AMPD3: variants seen among roughly 807,000 people sequenced by gnomAD.
The protein encoded by AMPD3 is adenosine monophosphate deaminase 3.
AMPD3 carries 57 observed loss-of-function variants against 82.3 expected under a neutral mutation model. The ratio of observed to expected loss-of-function variants is 0.69; its 90% CI spans 0.56 to 0.86. AMPD3 has a LOEUF of 0.86. Ranked by LOEUF, AMPD3 falls within the 40% of genes least tolerant of loss-of-function variation. The probability of loss-of-function intolerance (pLI) is 0.00; values close to 1 mark genes in which losing one functional copy is unlikely to be tolerated. For missense variants in AMPD3, 870 were observed against 1,003.8 expected (o/e 0.87, Z 1.80); for synonymous variants, 381 against 394.7 (o/e 0.97, Z 0.41).
At chr11:10,496,317 T>G (rs1439156058) in intron 9 of AMPD3, 1 of 985,416 alleles carries the variant, frequency 1.0e-6, no homozygotes, top group Non-Finnish European at 1.2e-6. Context: ...TGGATTGTCC[T>G]TTTGGTGAGC....
chr11:10,457,572 A>G (rs1848134423), intron 1 of AMPD3, among the ~76,000 whole-genome samples: 1 of 152,168 alleles, frequency 6.6e-6, no homozygotes, highest in Admixed American at 6.5e-5. Context: ...TGTGTCCTGA[A>G]AAGTATTTTT....
At chr11:10,494,429 A>G (rs1052537252) in intron 7 of AMPD3, 48 of 415,928 alleles carry the variant, frequency 1.2e-4, no homozygotes, top group Non-Finnish European at 1.5e-4. Context: ...CAACAATGTC[A>G]ATGTACTTAA....
intron 7 of AMPD3, among the ~76,000 whole-genome samples, chr11:10,493,977 C>T (rs547193619): frequency 6.6e-6 from 1 of 152,320 alleles, no homozygotes; most frequent in Admixed American, 6.5e-5. Context: ...CAATTCATTT[C>T]TAGGTATATA....
chr11:10,465,379 C>A (rs1347324353), intron 2 of AMPD3, among the ~76,000 whole-genome samples: 4 of 150,324 alleles, frequency 2.7e-5, no homozygotes. Flanking sequence ...TTTAAGAAGC[C>A]AGATAAAAAT....
At chr11:10,481,392 C>A in intron 3 of AMPD3, 1 of 974,308 alleles carries the variant, frequency 1.0e-6, no homozygotes, top group Non-Finnish European at 1.2e-6. Flanking sequence ...TTTGTCCCTC[C>A]ATGGGCCTGG....
chr11:10,472,689 A>G (rs560744994), intron 2 of AMPD3, among the ~76,000 whole-genome samples: 1 of 152,302 alleles, frequency 6.6e-6, no homozygotes, highest in South Asian at 2.1e-4. Context: ...TGAAATAGTC[A>G]ATCTATCCCC....
intron 10 of AMPD3, among the ~76,000 whole-genome samples, chr11:10,497,155 TG>T (rs1225192298): frequency 6.7e-6 from 1 of 149,982 alleles, no homozygotes; most frequent in Non-Finnish European, 1.5e-5. Context: ...TGTGGGGGGA[TG>T]GGGGTGGTGG....
intron 7 of AMPD3, 60 bp downstream of exon 7, chr11:10,493,603 C>CAGGG: frequency 6.3e-7 from 1 of 1,580,308 alleles, no homozygotes; most frequent in Non-Finnish European, 8.6e-7. Context: ...GGGACTCAGC[C>CAGGG]CCCTGGAAAG....
intron 11 of AMPD3, 77 bp from the exon 12 acceptor site, chr11:10,501,393 C>T: frequency 6.3e-7 from 1 of 1,588,046 alleles, no homozygotes. Context: ...CGGAGCTGGC[C>T]CTGAGCTGTG....
Position 10,495,014 on chromosome 11 carries a change from T to C in AMPD3, c.1250T>C (p.Phe417Ser), listed in dbSNP as rs1280971294. 6.2e-7 allele frequency: 1 copy of C among 1,614,180 alleles called. No homozygotes were observed. The highest frequency in any genetic ancestry group is 1.1e-5 in the South Asian group (1 of 91,088). Residue 417 changes from phenylalanine to serine, a missense_variant, in exon 8 of 15, where the codon TTT (phenylalanine) becomes TCT (serine). Coordinates refer to ENST00000396553, the MANE Select transcript of AMPD3 (RefSeq NM_001025389.2). ...GAAAACTATCTGGGAGGAGAGTACT[T>C]TGCTCGGATGGTCAAGGTGAGTGAA... ...KTENYLGGEY[F>S]ARMVKEVARE...
At chr11:10,476,606 T>A (rs1005556718) in intron 2 of AMPD3, among the ~76,000 whole-genome samples, 2 of 152,042 alleles carry the variant, frequency 1.3e-5, no homozygotes, top group Non-Finnish European at 2.9e-5. Flanking sequence ...TGAGGTTGCA[T>A]GGAAATAAAA....
chr11:10,486,943 T>C, intron 5 of AMPD3: 1 of 985,352 alleles, frequency 1.0e-6, no homozygotes, highest in Non-Finnish European at 1.2e-6. Context: ...TCATGGGAAA[T>C]GGAGGCTTGC....
Position 10,506,933 on chromosome 11 carries a change from C to A in AMPD3, c.*1049C>A, listed in dbSNP as rs1036719738. 2 of 151,988 alleles carry A rather than the reference C, an allele frequency of 1.3e-5. No individual in the cohort carries two copies. The highest frequency in any genetic ancestry group is 2.9e-5 in the Non-Finnish European group (2 of 67,974). The allele number at this position is 151,988 out of a possible 1,614,324, so 9.4% of individuals were successfully genotyped here. On this transcript the variant is annotated 3_prime_UTR_variant, in exon 15 of 15. Coordinates refer to ENST00000396553, the MANE Select transcript of AMPD3 (RefSeq NM_001025389.2). The surrounding 1 kb of genome is among the most constrained non-coding windows in gnomAD (Gnocchi z 4.1). ...TGTGTGTGTTTTTAATCACTGTAAC[C>A]GGATGCATTTTTTTAAGGCAAAATT...
intron 1 of AMPD3, among the ~76,000 whole-genome samples, chr11:10,458,968 G>A (rs140789775): frequency 3.9e-5 from 6 of 152,180 alleles, no homozygotes; most frequent in Non-Finnish European, 5.9e-5. Context: ...ATCCAGTTTC[G>A]TTTCAGCCTG....
intron 9 of AMPD3, chr11:10,496,597 C>T: frequency 6.2e-6 from 6 of 970,768 alleles, no homozygotes; most frequent in Non-Finnish European, 7.3e-6. Context: ...CTCTGATGGG[C>T]ATGGGTAGGT....
chr11:10,462,542 C>T (rs1419646805), intron 2 of AMPD3, among the ~76,000 whole-genome samples: 1 of 152,188 alleles, frequency 6.6e-6, no homozygotes, highest in East Asian at 1.9e-4. Flanking sequence ...GGCAATACCT[C>T]GTTTGACCCT....
In AMPD3 at chr11:10,497,599, G is replaced by A. The variant is rs1451915417; in HGVS notation, c.1557+661G>A. ...CGGGGAGCCCGAGGGCTGGGGCACG[G>A]GGAAAGAATTGAGTCTGTGTGCCCA... is the stretch of plus-strand genomic sequence containing the variant. On this transcript the variant is annotated intron_variant, in intron 10 of 14. Coordinates refer to ENST00000396553, the MANE Select transcript of AMPD3 (RefSeq NM_001025389.2). The A allele has an allele frequency of 3.0e-6, 3 of 985,320 alleles. No homozygotes were observed. In the African/African-American group the frequency reaches 5.2e-5, roughly 17 times the overall value. 61.0% of individuals were successfully genotyped at this position (985,320 alleles called of 1,614,324 possible). A position where few individuals can be genotyped will look rare whatever the true frequency, so the allele number is the denominator to read the frequency against.
At chr11:10,480,851 G>A (rs929597510) in intron 3 of AMPD3, among the ~76,000 whole-genome samples, 2 of 152,134 alleles carry the variant, frequency 1.3e-5, no homozygotes, top group Non-Finnish European at 2.9e-5. Context: ...CCAGCATATG[G>A]TGCCTCCCTC....
chr11:10,495,743 G>A lies in AMPD3; in HGVS notation c.1430+10G>A, dbSNP rs375937287. ...AGGTGCCCCGGATTTAGTAAGTGAGGTGGCCCGCTGTCTACCCTGTGCCCT... is the reference window on the plus strand; with the variant it reads ...AGGTGCCCCGGATTTAGTAAGTGAGATGGCCCGCTGTCTACCCTGTGCCCT... On this transcript the variant is annotated intron_variant, in intron 9 of 14. Coordinates refer to ENST00000396553, the MANE Select transcript of AMPD3 (RefSeq NM_001025389.2). 6.2e-7 allele frequency: 1 copy of A among 1,613,980 alleles called. No individual in the cohort carries two copies. Among genetic ancestry groups the A allele is most frequent in the South Asian group, 1.1e-5 (1 of 91,066 alleles).
Sources: gnomAD v4.1 joint callset for allele counts (sites outside exome capture counted in the v4.1 genomes callset) on GRCh38, gnomAD v4.1.1 for gene constraint, Gnocchi (gnomAD v3.1) non-coding constraint, MANE v1.5 for transcripts, NCBI Gene and HGNC (gene_info 2026-07-23, HGNC 2026-07-21) for gene names.